Variants in KRTAP12-3 observed in about 807,000 individuals in gnomAD.
KRTAP12-3 encodes the protein keratin-associated protein 12-3.
In KRTAP12-3, 1 loss-of-function variant was observed where a neutral mutation model predicts 0.2. The observed-to-expected ratio is 4.14, with a 90% CI of 1.47 to 19.66. The LOEUF (loss-of-function observed/expected upper bound fraction) is 19.66, where lower values mean the gene tolerates loss of function less well. Ranked by LOEUF, KRTAP12-3 falls within the 30% of genes most tolerant of loss-of-function variation. The probability of loss-of-function intolerance (pLI) is 0.11; values close to 1 mark genes in which losing one functional copy is unlikely to be tolerated. For missense variants in KRTAP12-3, 116 were observed against 128.2 expected, an observed-to-expected ratio of 0.90 and a Z score of 0.46; for synonymous variants, 61 against 54.3, an observed-to-expected ratio of 1.12 and a Z score of -0.54.
chr21:44,658,033 C>T lies in KRTAP12-3; in HGVS notation c.54C>T (p.Ser18=), dbSNP rs370414688. The change falls in exon 1 of 1, where the codon AGC becomes AGT. Residue 18 remains serine (S), a synonymous_variant. Transcript: ENST00000397907. ...PACQPTCCIH[S]PCQASCYVPV... ...GCCAGCCAACCTGCTGCATACACAG[C>T]CCCTGCCAGGCATCCTGCTATGTGC... 3.2e-5 allele frequency: 51 copies of T among 1,613,920 alleles called. No homozygotes were observed. The highest frequency in any genetic ancestry group is 4.2e-5 in the Non-Finnish European group (49 of 1,179,972).
In KRTAP12-3 at chr21:44,658,008, G is replaced by T; in HGVS notation, c.29G>T (p.Cys10Phe). The change falls in exon 1 of 1, where the codon TGC (cysteine) becomes TTC (phenylalanine). Residue 10 changes from cysteine to phenylalanine, a missense_variant. Coordinates refer to ENST00000397907, the MANE Select transcript of KRTAP12-3 (RefSeq NM_198697.2). MCHTSCSPA[C>F]QPTCCIHSPC... ...TGCCACACCAGCTGCTCCCCAGCCT[G>T]CCAGCCAACCTGCTGCATACACAGC... 6.2e-7 allele frequency: 1 copy of T among 1,613,702 alleles called. No homozygotes were observed. The highest frequency in any genetic ancestry group is 8.5e-7 in the Non-Finnish European group (1 of 1,179,796).
rs782113172 is a variant in KRTAP12-3 at position 44,657,952 on chromosome 21, C to T, written c.-28C>T. ...GCTTCCAGACATCACCATCCTCCTC[C>T]CCAGTACCAGCCCAGCCACACGCCA... is the stretch of plus-strand genomic sequence containing the variant. On this transcript the variant is annotated 5_prime_UTR_variant, in exon 1 of 1. Transcript: ENST00000397907. 5.0e-6 allele frequency: 8 copies of T among 1,604,834 alleles called. No homozygotes were observed. In the East Asian group the frequency reaches 1.6e-4, roughly 31 times the overall value.
At position 44,658,256 on chromosome 21, in the gene KRTAP12-3, C is replaced by G; in HGVS notation, c.277C>G (p.Pro93Ala). The change falls in exon 1 of 1, where the codon CCT becomes GCT. Residue 93 changes from proline to alanine, a missense_variant. Coordinates refer to ENST00000397907, the MANE Select transcript of KRTAP12-3 (RefSeq NM_198697.2). ...CTGCAGACCCATCTCCTGCAGCACC[C>G]CTTCCTGCTGCTGACCAGCTGCTCC... ...ALCRPISCSTPSCC is the reference protein window; with the variant it reads ...ALCRPISCSTASCC The G allele has an allele frequency of 6.2e-7, 1 of 1,613,538 alleles. No homozygotes were observed. The highest frequency in any genetic ancestry group is 8.5e-7 in the Non-Finnish European group (1 of 1,179,564).
Position 44,658,211 on chromosome 21 carries a change from C to T in KRTAP12-3, c.232C>T (p.Pro78Ser), listed in dbSNP as rs1264672015. Residue 78 changes from proline to serine, a missense_variant, in exon 1 of 1, where the codon CCC becomes TCC. Coordinates refer to ENST00000397907, the MANE Select transcript of KRTAP12-3 (RefSeq NM_198697.2). ...TTGCCAATCTTCGGGGTGCTGCCAG[C>T]CCCCCTGCACCACTGCCCTCTGCAG... ...PSCQSSGCCQ[P>S]PCTTALCRPI... 2 of 1,613,858 alleles carry T rather than the reference C, an allele frequency of 1.2e-6. No individual in the cohort carries two copies. Among genetic ancestry groups the T allele is most frequent in the Admixed American group, 1.7e-5 (1 of 60,006 alleles).
At chr21:44,657,991 CA>C in the KRTAP12-3 span, 1 of 1,613,372 alleles carries the variant, frequency 6.2e-7, no homozygotes, top group African/African-American at 1.3e-5. Flanking sequence ...TGTGCCACAC[CA>C]GCTGCTCCCC....
rs201241084 is a variant in KRTAP12-3 at position 44,658,145 on chromosome 21, G to A, written c.166G>A (p.Val56Met). ...VAPSCQPSVCVPVSCRPIIYV... is the reference protein window; with the variant it reads ...VAPSCQPSVCMPVSCRPIIYV... ...TCCCTCCTGCCAGCCCTCCGTGTGC[G>A]TGCCCGTGAGCTGCAGGCCCATCAT... Residue 56 changes from valine (V) to methionine (M), a missense_variant, in exon 1 of 1, where the codon GTG becomes ATG. Transcript: ENST00000397907. The A allele has an allele frequency of 3.3e-5, 53 of 1,613,640 alleles. No homozygotes were observed. The highest frequency in any genetic ancestry group is 1.6e-4 in the Middle Eastern group (1 of 6,082).
chr21:44,658,184 TC>T, the KRTAP12-3 span: 1 of 1,614,156 alleles, frequency 6.2e-7, no homozygotes, highest in Non-Finnish European at 8.5e-7. Flanking sequence ...TGTGACTCCC[TC>T]TTGCCAATCT....
chr21:44,658,223 A>G lies in KRTAP12-3; in HGVS notation c.244A>G (p.Thr82Ala), dbSNP rs1985279580. The G allele has an allele frequency of 6.2e-7, 1 of 1,613,908 alleles. No individual in the cohort carries two copies. The highest frequency in any genetic ancestry group is 1.3e-5 in the African/African-American group (1 of 74,900). ...SSGCCQPPCTTALCRPISCST... is the reference protein window; with the variant it reads ...SSGCCQPPCTAALCRPISCST... ...GGGGTGCTGCCAGCCCCCCTGCACC[A>G]CTGCCCTCTGCAGACCCATCTCCTG... Residue 82 changes from threonine (T) to alanine (A), a missense_variant, in exon 1 of 1, where the codon ACT (threonine) becomes GCT (alanine). By Grantham distance (58) the Thr-to-Ala change is moderately conservative. Coordinates refer to ENST00000397907, the MANE Select transcript of KRTAP12-3 (RefSeq NM_198697.2).
chr21:44,658,153 G>A lies in KRTAP12-3; in HGVS notation c.174G>A (p.Val58=). 6.2e-7 allele frequency: 1 copy of A among 1,614,110 alleles called. No individual in the cohort carries two copies. Among genetic ancestry groups the A allele is most frequent in the Non-Finnish European group, 8.5e-7 (1 of 1,180,008 alleles). The change falls in exon 1 of 1, where the codon GTG becomes GTA. Residue 58 remains valine, a synonymous_variant. Coordinates refer to ENST00000397907, the MANE Select transcript of KRTAP12-3 (RefSeq NM_198697.2). The stretch of plus-strand genomic sequence containing the variant: ...GCCAGCCCTCCGTGTGCGTGCCCGT[G>A]AGCTGCAGGCCCATCATATATGTGA... The part of the protein sequence containing the change: ...PSCQPSVCVP[V]SCRPIIYVTP...
chr21:44,658,198 G>T lies in KRTAP12-3; in HGVS notation c.219G>T (p.Ser73=). ...IIYVTPSCQS[S]GCCQPPCTTA... is the part of the protein sequence containing the mutation. ...ATGTGACTCCCTCTTGCCAATCTTC[G>T]GGGTGCTGCCAGCCCCCCTGCACCA... Residue 73 remains serine, a synonymous_variant, in exon 1 of 1, where the codon TCG becomes TCT. Transcript: ENST00000397907. The T allele has an allele frequency of 1.2e-6, 2 of 1,613,912 alleles. No individual in the cohort carries two copies. Among genetic ancestry groups the T allele is most frequent in the Non-Finnish European group, 8.5e-7 (1 of 1,179,946 alleles).
In KRTAP12-3 at chr21:44,658,307, T is replaced by A; in HGVS notation, c.*37T>A. 6.3e-7 allele frequency: 1 copy of A among 1,588,774 alleles called. No individual in the cohort carries two copies. The highest frequency in any genetic ancestry group is 8.6e-7 in the Non-Finnish European group (1 of 1,161,414). On this transcript the variant is annotated 3_prime_UTR_variant, in exon 1 of 1. Coordinates refer to ENST00000397907, the MANE Select transcript of KRTAP12-3 (RefSeq NM_198697.2). Reference sequence around the variant, plus strand: ...TGGTACACGGGGGTACACACCTGTATCCCTCCGTGAATAAGCATCTGGTGG... The same window carrying A: ...TGGTACACGGGGGTACACACCTGTAACCCTCCGTGAATAAGCATCTGGTGG...
rs369039377 is a variant in KRTAP12-3 at position 44,658,313 on chromosome 21, C to T, written c.*43C>T. 93 of 1,573,054 alleles carry T rather than the reference C, an allele frequency of 5.9e-5. No homozygotes were observed. The highest frequency in any genetic ancestry group is 3.4e-4 in the African/African-American group (25 of 74,088). ...ACGGGGGTACACACCTGTATCCCTC[C>T]GTGAATAAGCATCTGGTGGACCCCC... is the stretch of plus-strand genomic sequence containing the variant. On this transcript the variant is annotated 3_prime_UTR_variant, in exon 1 of 1. Transcript: ENST00000397907.
chr21:44,658,131 AG>A, the KRTAP12-3 span: 4 of 1,613,830 alleles, frequency 2.5e-6, no homozygotes, highest in Non-Finnish European at 3.4e-6. Flanking sequence ...CCCTCCTGCC[AG>A]CCCTCCGTGT....
At position 44,658,251 on chromosome 21, in the gene KRTAP12-3, G is replaced by C. The variant is rs781899847; in HGVS notation, c.272G>C (p.Ser91Thr). The change falls in exon 1 of 1, where the codon AGC (serine) becomes ACC (threonine). Residue 91 changes from serine (S) to threonine (T), a missense_variant. Transcript: ENST00000397907. ...TTALCRPISCSTPSCC is the reference protein window; with the variant it reads ...TTALCRPISCTTPSCC Reference sequence around the variant, plus strand: ...GCCCTCTGCAGACCCATCTCCTGCAGCACCCCTTCCTGCTGCTGACCAGCT... The same window carrying C: ...GCCCTCTGCAGACCCATCTCCTGCACCACCCCTTCCTGCTGCTGACCAGCT... The C allele has an allele frequency of 1.2e-6, 2 of 1,613,762 alleles. No homozygotes were observed. Among genetic ancestry groups the C allele is most frequent in the South Asian group, 2.2e-5 (2 of 91,080 alleles).
Position 44,658,262 on chromosome 21 carries a change from T to C in KRTAP12-3, c.283T>C (p.Cys95Arg), listed in dbSNP as rs1985282989. 2.5e-6 allele frequency: 4 copies of C among 1,613,330 alleles called. No individual in the cohort carries two copies. In the African/African-American group the frequency reaches 4.0e-5, roughly 16 times the overall value. ...CRPISCSTPS[C>R]C The stretch of plus-strand genomic sequence containing the variant: ...ACCCATCTCCTGCAGCACCCCTTCC[T>C]GCTGCTGACCAGCTGCTCCTGGTAC... The change falls in exon 1 of 1, where the codon TGC (cysteine) becomes CGC (arginine). Residue 95 changes from cysteine (C) to arginine (R), a missense_variant. By Grantham distance (180) the Cys-to-Arg change is radical (BLOSUM62 -3). Coordinates refer to ENST00000397907, the MANE Select transcript of KRTAP12-3 (RefSeq NM_198697.2).
Position 44,658,292 on chromosome 21 carries a change from G to A in KRTAP12-3, c.*22G>A. ...CTGACCAGCTGCTCCTGGTACACGG[G>A]GGTACACACCTGTATCCCTCCGTGA... On this transcript the variant is annotated 3_prime_UTR_variant, in exon 1 of 1. Coordinates refer to ENST00000397907, the MANE Select transcript of KRTAP12-3 (RefSeq NM_198697.2). The A allele has an allele frequency of 6.2e-7, 1 of 1,610,348 alleles. No individual in the cohort carries two copies. The highest frequency in any genetic ancestry group is 1.1e-5 in the South Asian group (1 of 90,770).
At position 44,657,973 on chromosome 21, in the gene KRTAP12-3, C is replaced by T. The variant is rs201126322; in HGVS notation, c.-7C>T. 100 of 1,611,002 alleles carry T rather than the reference C, an allele frequency of 6.2e-5. 1 individual carries two copies. The highest frequency in any genetic ancestry group is 2.5e-4 in the Admixed American group (15 of 59,952). On this transcript the variant is annotated 5_prime_UTR_variant, in exon 1 of 1. The change creates a new upstream start codon in the 5' untranslated region. Transcript: ENST00000397907. ...CCTCCCCAGTACCAGCCCAGCCACA[C>T]GCCACCATGTGCCACACCAGCTGCT...
chr21:44,658,310 C>A lies in KRTAP12-3; in HGVS notation c.*40C>A. On this transcript the variant is annotated 3_prime_UTR_variant, in exon 1 of 1. Coordinates refer to ENST00000397907, the MANE Select transcript of KRTAP12-3 (RefSeq NM_198697.2). ...TACACGGGGGTACACACCTGTATCC[C>A]TCCGTGAATAAGCATCTGGTGGACC... 1 of 1,583,772 alleles carries A rather than the reference C, an allele frequency of 6.3e-7. No homozygotes were observed. Among genetic ancestry groups the A allele is most frequent in the Non-Finnish European group, 8.6e-7 (1 of 1,157,736 alleles).
At position 44,657,953 on chromosome 21, in the gene KRTAP12-3, C is replaced by T; in HGVS notation, c.-27C>T. 1 of 1,605,006 alleles carries T rather than the reference C, an allele frequency of 6.2e-7. No individual in the cohort carries two copies. Among genetic ancestry groups the T allele is most frequent in the Non-Finnish European group, 8.5e-7 (1 of 1,174,300 alleles). ...CTTCCAGACATCACCATCCTCCTCC[C>T]CAGTACCAGCCCAGCCACACGCCAC... On this transcript the variant is annotated 5_prime_UTR_variant, in exon 1 of 1. Transcript: ENST00000397907.
Sources: allele counts gnomAD v4.1 joint callset, GRCh38; gene constraint gnomAD v4.1.1; transcripts MANE v1.5; gene names NCBI Gene and HGNC (gene_info 2026-07-23, HGNC 2026-07-21).